The following CDH13 variants were observed in gnomAD, a reference collection of about 807,000 sequenced individuals.
The protein encoded by CDH13 is cadherin 13.
In CDH13, 24 loss-of-function variants were observed where a neutral mutation model predicts 63.8. That is an observed-to-expected ratio of 0.38 (90% CI 0.27 to 0.53). The LOEUF (loss-of-function observed/expected upper bound fraction) is 0.53, where lower values mean the gene tolerates loss of function less well. Among genes scored for constraint, CDH13 ranks in the 20% least tolerant of loss-of-function variants. CDH13 has a pLI of 0.85. For synonymous variants in CDH13, 503 were observed against 355.3 expected, an observed-to-expected ratio of 1.42 and a Z score of -4.67; for missense variants, 1,049 against 903.1, an observed-to-expected ratio of 1.16 and a Z score of -2.07.
intron 2 of CDH13, among the ~76,000 whole-genome samples, chr16:82,950,586 C>T (rs1170194302): frequency 6.6e-6 from 1 of 152,118 alleles, no homozygotes; most frequent in Non-Finnish European, 1.5e-5. Context: ...GTGCCTTTCG[C>T]CTTTCACCAT....
chr16:82,954,011 C>T (rs141101664), intron 2 of CDH13: 1 of 152,220 alleles, frequency 6.6e-6, no homozygotes, highest in East Asian at 1.9e-4. Context: ...CAGACTCAGA[C>T]ATTTATGGGC....
chr16:82,885,537 A>G (rs1043645537), intron 2 of CDH13, among the ~76,000 whole-genome samples: 9 of 150,924 alleles, frequency 6.0e-5, no homozygotes, highest in Non-Finnish European at 1.2e-4. Context: ...CCATCCATCC[A>G]TCCATCCAGC....
intron 5 of CDH13, among the ~76,000 whole-genome samples, chr16:83,311,264 A>G (rs1055218986): frequency 2.0e-5 from 3 of 151,992 alleles, no homozygotes; most frequent in Non-Finnish European, 4.4e-5. Flanking sequence ...GAGCAAGTCA[A>G]CTTCTTATCA....
intron 3 of CDH13, among the ~76,000 whole-genome samples, chr16:83,044,079 C>T (rs1389580738): frequency 6.6e-6 from 1 of 152,172 alleles, no homozygotes; most frequent in African/African-American, 2.4e-5. Context: ...TGAGTTCCTA[C>T]CACATGTTAG....
intron 3 of CDH13, among the ~76,000 whole-genome samples, chr16:83,073,516 G>A (rs960018742): frequency 3.3e-5 from 5 of 151,872 alleles, no homozygotes; most frequent in Admixed American, 6.6e-5. Context: ...CACACATGGC[G>A]ATGAGAATTC....
chr16:83,105,062 C>T (rs2151609752), intron 3 of CDH13, among the ~76,000 whole-genome samples: 1 of 152,226 alleles, frequency 6.6e-6, no homozygotes, highest in Non-Finnish European at 1.5e-5. Flanking sequence ...AGGTTTGTTA[C>T]ATAGGTAAAC....
At chr16:82,719,381 A>C (rs1020462602) in intron 1 of CDH13, 3 of 455,862 alleles carry the variant, frequency 6.6e-6, no homozygotes, top group Non-Finnish European at 1.3e-5. Flanking sequence ...CCTGTGTGCA[A>C]GTCCCAGTTC....
chr16:82,848,008 T>C (rs1039112270), intron 1 of CDH13, among the ~76,000 whole-genome samples: 6 of 152,170 alleles, frequency 3.9e-5, no homozygotes, highest in African/African-American at 1.4e-4. Context: ...GCATTTCATT[T>C]GGGAAGAAAG....
At chr16:83,113,034 C>A (rs17279864) in intron 3 of CDH13, among the ~76,000 whole-genome samples, 166 of 152,156 alleles carry the variant, frequency 1.1e-3, no homozygotes, top group Non-Finnish European at 1.5e-3. Flanking sequence ...AAGCAGGGAG[C>A]GTGAGCCAAC....
chr16:83,013,679 C>G (rs1322652105), intron 2 of CDH13, among the ~76,000 whole-genome samples: 1 of 152,160 alleles, frequency 6.6e-6, no homozygotes, highest in African/African-American at 2.4e-5. Context: ...AGTGTGATAC[C>G]TGACATAGAG....
chr16:82,802,062 C>T (rs1292387461), intron 1 of CDH13, among the ~76,000 whole-genome samples: 2 of 152,160 alleles, frequency 1.3e-5, no homozygotes, highest in Admixed American at 1.3e-4. Flanking sequence ...TAGGCTGGCT[C>T]AGAGCTGTGC....
At chr16:82,761,342 G>T (rs1337837886) in intron 1 of CDH13, among the ~76,000 whole-genome samples, 9 of 152,056 alleles carry the variant, frequency 5.9e-5, no homozygotes, top group Admixed American at 5.9e-4. Context: ...AGATTTGGAG[G>T]TGACAAATAT....
intron 5 of CDH13, among the ~76,000 whole-genome samples, chr16:83,261,177 A>G (rs1190506188): frequency 6.6e-6 from 1 of 152,092 alleles, no homozygotes; most frequent in Non-Finnish European, 1.5e-5. Context: ...TTTCCATGCA[A>G]GGGGGCGTGC....
intron 4 of CDH13, among the ~76,000 whole-genome samples, chr16:83,152,334 C>G (rs1271300609): frequency 2.6e-5 from 4 of 152,146 alleles, no homozygotes; most frequent in African/African-American, 9.7e-5. Context: ...CATTAAAAAT[C>G]TATTCTCAAA....
chr16:83,644,102 C>G (rs1344499209), intron 8 of CDH13, among the ~76,000 whole-genome samples: 2 of 152,222 alleles, frequency 1.3e-5, no homozygotes, highest in South Asian at 4.1e-4. Context: ...GACCCTGCAG[C>G]CTAAGAACAT....
At chr16:83,413,736 T>G (rs1178180927) in intron 6 of CDH13, among the ~76,000 whole-genome samples, 1 of 152,044 alleles carries the variant, frequency 6.6e-6, no homozygotes, top group African/African-American at 2.4e-5. Flanking sequence ...GCCTGTAATC[T>G]CAGCACTTTG....
chr16:83,553,045 C>T (rs891971406), intron 7 of CDH13, among the ~76,000 whole-genome samples: 1 of 149,846 alleles, frequency 6.7e-6, no homozygotes, highest in East Asian at 2.0e-4. Flanking sequence ...CGTCACTGCA[C>T]CGTAGCCTGG....
intron 6 of CDH13, among the ~76,000 whole-genome samples, chr16:83,351,965 A>T (rs540066863): frequency 6.6e-6 from 1 of 152,306 alleles, no homozygotes; most frequent in African/African-American, 2.4e-5. Flanking sequence ...TGTTTTGTAG[A>T]TAGTGGATGG....
At chr16:83,125,740 A>G (rs890689435) in intron 4 of CDH13, among the ~76,000 whole-genome samples, 2 of 152,210 alleles carry the variant, frequency 1.3e-5, no homozygotes, top group African/African-American at 4.8e-5. Context: ...ATGATGTTGA[A>G]ATTAAGCAGG....
Sources: allele counts gnomAD v4.1 joint callset (sites outside exome capture counted in the v4.1 genomes callset), GRCh38; gene constraint gnomAD v4.1.1; transcripts MANE v1.5; gene names NCBI Gene and HGNC (gene_info 2026-07-23, HGNC 2026-07-21).